Variants in UPP2 observed in about 807,000 individuals in gnomAD.
UPP2 encodes uridine phosphorylase 2, also known as UPase 2.
A neutral mutation model predicts 26.7 loss-of-function variants in UPP2; 23 were observed. The ratio of observed to expected loss-of-function variants is 0.86; its 90% CI spans 0.62 to 1.22. The LOEUF is 1.22. UPP2 is among the 50% of genes most tolerant of loss of function. UPP2 has a pLI of 0.00. For missense variants in UPP2, 387 were observed against 396.7 expected, an observed-to-expected ratio of 0.98 and a Z score of 0.21; for synonymous variants, 127 against 141.3, an observed-to-expected ratio of 0.90 and a Z score of 0.72.
chr2:158,124,367 T>C (rs578105968), intron 6 of UPP2, among the ~76,000 whole-genome samples: 2 of 152,014 alleles, frequency 1.3e-5, no homozygotes, highest in African/African-American at 4.8e-5. Flanking sequence ...TCAAGGAGAA[T>C]TGGAGGAACA....
chr2:158,130,470 A>G (rs1460768042), intron 6 of UPP2, among the ~76,000 whole-genome samples: 2 of 151,990 alleles, frequency 1.3e-5, no homozygotes, highest in Admixed American at 1.3e-4. Flanking sequence ...AACAAAAAAA[A>G]AAAACCACTG....
At chr2:158,122,096 A>T (rs1683582636) in intron 5 of UPP2, among the ~76,000 whole-genome samples, 1 of 151,886 alleles carries the variant, frequency 6.6e-6, no homozygotes, top group Non-Finnish European at 1.5e-5. Context: ...GCCATGAGTA[A>T]GGGGTCCCCA....
chr2:158,087,199 T>G lies in UPP2; in HGVS notation c.148-14841T>G, dbSNP rs182405568. On this transcript the variant is annotated intron_variant, in intron 3 of 9. Transcript: ENST00000605860. ...TTAGGTGCATATATGTTTAGGATTG[T>G]GATATTTTTCTGTTTAACAAGTCCT... 3.7e-3 allele frequency among the ~76,000 whole-genome samples: 562 copies of G among 152,302 alleles called. 5 individuals are homozygous for G. The highest frequency in any genetic ancestry group is 0.013 in the African/African-American group (543 of 41,582).
At chr2:158,035,348 G>T (rs1490284151) in intron 3 of UPP2, among the ~76,000 whole-genome samples, 1 of 152,020 alleles carries the variant, frequency 6.6e-6, no homozygotes, top group African/African-American at 2.4e-5. Flanking sequence ...GTGGATACGG[G>T]GTTTCACCAT....
At chr2:158,017,530 C>T (rs1683679723) in intron 3 of UPP2, among the ~76,000 whole-genome samples, 1 of 152,188 alleles carries the variant, frequency 6.6e-6, no homozygotes, top group Non-Finnish European at 1.5e-5. Flanking sequence ...GCACACTTAA[C>T]ATTTCTGCTA....
At position 157,998,332 on chromosome 2, in the gene UPP2, C is replaced by T. The variant is rs150062798; in HGVS notation, c.61+3073C>T. 7.9e-5 allele frequency among the ~76,000 whole-genome samples: 12 copies of T among 152,282 alleles called. No individual in the cohort carries two copies. The East Asian group carries it at 2.1e-3, about 27-fold the overall frequency. On this transcript the variant is annotated intron_variant, in intron 2 of 9. Transcript: ENST00000605860. ...CCACCAGAAACCTCGAAGACTTTCCCTTCACTAAGATATTCAGAAATACTT... is the reference window on the plus strand; with the variant it reads ...CCACCAGAAACCTCGAAGACTTTCCTTTCACTAAGATATTCAGAAATACTT...
intron 3 of UPP2, among the ~76,000 whole-genome samples, chr2:158,087,319 T>C (rs1358650901): frequency 6.6e-6 from 1 of 152,202 alleles, no homozygotes; most frequent in Non-Finnish European, 1.5e-5. Flanking sequence ...CCTGCTCATT[T>C]TTGATGCTCA....
rs111643478 is a variant in UPP2 at position 158,122,797 on chromosome 2, C to T, written c.665-952C>T. Reference sequence around the variant, plus strand: ...GCTGAAGGTGAGGTGAAGCTGCTCCCCTCAGACCAGACACTCGCATCGACA... The same window carrying T: ...GCTGAAGGTGAGGTGAAGCTGCTCCTCTCAGACCAGACACTCGCATCGACA... On this transcript the variant is annotated intron_variant, in intron 5 of 6. Coordinates refer to ENST00000005756, the MANE Select transcript of UPP2 (RefSeq NM_173355.4). 3.9e-3 allele frequency among the ~76,000 whole-genome samples: 587 copies of T among 152,284 alleles called. 5 individuals are homozygous for T. Among genetic ancestry groups the T allele is most frequent in the African/African-American group, 0.013 (548 of 41,548 alleles).
At chr2:158,064,614 G>A (rs2105181544) in intron 3 of UPP2, among the ~76,000 whole-genome samples, 1 of 152,168 alleles carries the variant, frequency 6.6e-6, no homozygotes, top group Non-Finnish European at 1.5e-5. Context: ...TGTCAATTTT[G>A]GCTTTTGTTG....
At chr2:158,123,991 C>T in intron 6 of UPP2, 96 bp downstream of exon 6, 1 of 1,389,964 alleles carries the variant, frequency 7.2e-7, no homozygotes, top group Middle Eastern at 2.5e-4. Flanking sequence ...CTATATATTA[C>T]CTTGGGCTGA....
chr2:158,133,398 G>A (rs1005855624), intron 6 of UPP2, among the ~76,000 whole-genome samples: 6 of 152,130 alleles, frequency 3.9e-5, no homozygotes, highest in African/African-American at 1.2e-4. Flanking sequence ...GAAACTGGTC[G>A]AAGGGTGCAA....
intron 3 of UPP2, among the ~76,000 whole-genome samples, chr2:158,094,199 C>G (rs1004316442): frequency 1.1e-4 from 17 of 151,654 alleles, no homozygotes; most frequent in Admixed American, 1.1e-3. Flanking sequence ...TGAAGGTAAT[C>G]TAAAGTAAGG....
chr2:158,030,728 A>G (rs1204117401), intron 3 of UPP2, among the ~76,000 whole-genome samples: 1 of 152,244 alleles, frequency 6.6e-6, no homozygotes, highest in Non-Finnish European at 1.5e-5. Flanking sequence ...GATGACAGCC[A>G]GGATAACTAA....
intron 3 of UPP2, among the ~76,000 whole-genome samples, chr2:158,039,034 T>C (rs4664238): frequency 0.31 from 46,601 of 152,102 alleles, 7,669 homozygotes; most frequent in African/African-American, 0.43. Flanking sequence ...CCCAATTAAA[T>C]CAATTATCTG....
At chr2:158,003,634 G>A (rs1683442728) in intron 2 of UPP2, among the ~76,000 whole-genome samples, 1 of 151,720 alleles carries the variant, frequency 6.6e-6, no homozygotes, top group African/African-American at 2.4e-5. Flanking sequence ...CTTGAACTTG[G>A]GAGGCAGAGG....
rs1683083483 is a variant in UPP2, at chr2:158,101,933, TAA to T, written c.-130_-129del. The T allele has an allele frequency of 7.2e-7, 1 of 1,383,634 alleles. No homozygotes were observed. Among genetic ancestry groups the T allele is most frequent in the Non-Finnish European group, 9.4e-7 (1 of 1,066,658 alleles). The allele number at this position is 1,383,634 out of a possible 1,614,324, so 85.7% of individuals were successfully genotyped here. On this transcript the variant is annotated 5_prime_UTR_variant, in exon 1 of 7. Coordinates refer to ENST00000005756, the MANE Select transcript of UPP2 (RefSeq NM_173355.4). ...TTCTTAGCAATTTCACAGGAAAACC[TAA>T]GTTTTAAGAGAGGTTATCATTCTGA...
chr2:158,003,439 G>A (rs1683440202), intron 2 of UPP2, among the ~76,000 whole-genome samples: 1 of 152,182 alleles, frequency 6.6e-6, no homozygotes, highest in African/African-American at 2.4e-5. Context: ...TGGGCAGGGT[G>A]GCTCATGCCT....
At chr2:158,100,955 ATCT>A, upstream of UPP2, among the ~76,000 whole-genome samples, 1 of 152,230 alleles carries the variant, frequency 6.6e-6, no homozygotes, top group Non-Finnish European at 1.5e-5. Context: ...GAAGAGGAGC[ATCT>A]TCTAACATGG....
At chr2:158,033,270 G>A (rs1196886236) in intron 3 of UPP2, among the ~76,000 whole-genome samples, 2 of 152,148 alleles carry the variant, frequency 1.3e-5, no homozygotes, top group Non-Finnish European at 2.9e-5. Flanking sequence ...ATAGGGAAGG[G>A]TATAGCTCCA....
Sources: allele counts gnomAD v4.1 joint callset (sites outside exome capture counted in the v4.1 genomes callset), GRCh38; gene constraint gnomAD v4.1.1; transcripts MANE v1.5; gene names NCBI Gene and HGNC (gene_info 2026-07-23, HGNC 2026-07-21).